Variants in CFAP299 observed in about 807,000 individuals in gnomAD.
CFAP299 encodes cilia and flagella associated protein 299.
In CFAP299, 21 loss-of-function variants were observed where a neutral mutation model predicts 27.0. The observed-to-expected ratio is 0.78, with a 90% CI of 0.55 to 1.12. The LOEUF is 1.12. CFAP299 is among the 50% of genes most tolerant of loss of function. The probability of loss-of-function intolerance (pLI) is 0.00; values close to 1 mark genes in which losing one functional copy is unlikely to be tolerated. For synonymous variants in CFAP299, 104 were observed against 98.1 expected, an observed-to-expected ratio of 1.06 and a Z score of -0.36; for missense variants, 310 against 276.6, an observed-to-expected ratio of 1.12 and a Z score of -0.86.
rs577741047 is a variant in CFAP299 at position 80,579,196 on chromosome 4, A to G, written c.243-3897A>G. On this transcript the variant is annotated intron_variant, in intron 2 of 5. Transcript: ENST00000358105. ...TCTCCATAATAGTGGCCTCCAACTT[A>G]TGGCCAAGATGGCAGTTGGAGTTTC... Among the ~76,000 whole-genome samples, 4 of 152,288 alleles carry G rather than the reference A, an allele frequency of 2.6e-5. No homozygotes were observed. The South Asian group carries it at 8.3e-4, about 32-fold the overall frequency.
chr4:80,715,587 A>G (rs7656931), intron 3 of CFAP299, among the ~76,000 whole-genome samples: 3,430 of 152,244 alleles, frequency 0.023, 56 homozygotes, highest in Non-Finnish European at 0.035. Flanking sequence ...AAAGAAATAT[A>G]TTCAATTTAC....
chr4:80,456,330 A>G (rs760182637), intron 2 of CFAP299, among the ~76,000 whole-genome samples: 9 of 152,118 alleles, frequency 5.9e-5, no homozygotes, highest in Non-Finnish European at 1.0e-4. Flanking sequence ...GATATCTGAT[A>G]TAAAGGGATC....
rs374840707 is a variant in CFAP299 at position 80,836,412 on chromosome 4, A to G, written c.334-33581A>G. On this transcript the variant is annotated intron_variant, in intron 3 of 5. Transcript: ENST00000358105. ...TCTCAGCATAGCTGAATTCCTTTCT[A>G]CAGGCTTCTGGAAGGAATCATTTTT... 6.6e-5 allele frequency among the ~76,000 whole-genome samples: 10 copies of G among 152,326 alleles called. No individual in the cohort carries two copies. In the South Asian group the frequency reaches 1.9e-3, roughly 28 times the overall value.
intron 3 of CFAP299, among the ~76,000 whole-genome samples, chr4:80,674,837 A>G (rs565457559): frequency 1.3e-5 from 2 of 152,174 alleles, no homozygotes; most frequent in African/African-American, 4.8e-5. Context: ...TTATGCATGC[A>G]TCACGTAGTT....
chr4:80,580,738 C>T (rs767560871), intron 2 of CFAP299, among the ~76,000 whole-genome samples: 1 of 151,944 alleles, frequency 6.6e-6, no homozygotes, highest in Non-Finnish European at 1.5e-5. Context: ...CAAATATTTA[C>T]TAAAAATTCC....
intron 2 of CFAP299, among the ~76,000 whole-genome samples, chr4:80,530,639 A>G (rs1423995174): frequency 1.3e-5 from 2 of 152,248 alleles, no homozygotes; most frequent in East Asian, 3.9e-4. Context: ...GGAGACAAGA[A>G]GGAATCAGTC....
intron 4 of CFAP299, among the ~76,000 whole-genome samples, chr4:80,943,426 A>T (rs566723340): frequency 1.3e-5 from 2 of 152,306 alleles, no homozygotes; most frequent in Admixed American, 1.3e-4. Flanking sequence ...TTAAACAATG[A>T]AACTTTCTAT....
At chr4:80,650,929 G>C (rs1740246217) in intron 3 of CFAP299, among the ~76,000 whole-genome samples, 1 of 151,906 alleles carries the variant, frequency 6.6e-6, no homozygotes, top group Admixed American at 6.6e-5. Flanking sequence ...CTCGGGTGAT[G>C]AGTGCACCAA....
intron 4 of CFAP299, among the ~76,000 whole-genome samples, chr4:80,895,067 G>T (rs2110190193): frequency 6.6e-6 from 1 of 151,914 alleles, no homozygotes; most frequent in East Asian, 1.9e-4. Flanking sequence ...AGTTATGCAG[G>T]ATGAATAAAT....
At chr4:80,874,287 G>GA (rs1471033278) in intron 4 of CFAP299, among the ~76,000 whole-genome samples, 2 of 152,110 alleles carry the variant, frequency 1.3e-5, no homozygotes, top group Non-Finnish European at 2.9e-5. Flanking sequence ...TACTTTGAGC[G>GA]AAAACCTACT....
intron 2 of CFAP299, among the ~76,000 whole-genome samples, chr4:80,450,180 G>C (rs2110095746): frequency 6.6e-6 from 1 of 152,166 alleles, no homozygotes; most frequent in Non-Finnish European, 1.5e-5. Context: ...AACAAAACAA[G>C]ATACCTCATA....
intron 1 of CFAP299, among the ~76,000 whole-genome samples, 198 bp downstream of exon 1, chr4:80,336,077 G>A (rs1722125935): frequency 6.6e-6 from 1 of 152,232 alleles, no homozygotes; most frequent in South Asian, 2.1e-4. Flanking sequence ...GGTCCGGACA[G>A]AACTTGGGCC....
chr4:80,933,291 TCTC>T (rs1009581552), intron 4 of CFAP299, among the ~76,000 whole-genome samples: 5 of 152,018 alleles, frequency 3.3e-5, no homozygotes, highest in Non-Finnish European at 5.9e-5. Flanking sequence ...TTGACCAACA[TCTC>T]CTCACTTCAT....
chr4:80,838,329 T>C (rs749977834), intron 3 of CFAP299, among the ~76,000 whole-genome samples: 2 of 152,234 alleles, frequency 1.3e-5, no homozygotes, highest in Non-Finnish European at 2.9e-5. Flanking sequence ...AGTCATGTAA[T>C]CTTTGCCCAT....
intron 3 of CFAP299, among the ~76,000 whole-genome samples, chr4:80,803,726 A>T (rs886067102): frequency 6.7e-6 from 1 of 149,100 alleles, no homozygotes; most frequent in Admixed American, 6.7e-5. Flanking sequence ...TTTTAATATA[A>T]TGTATAATAT....
chr4:80,692,883 G>A, intron 3 of CFAP299, among the ~76,000 whole-genome samples: 1 of 151,964 alleles, frequency 6.6e-6, no homozygotes, highest in Non-Finnish European at 1.5e-5. Context: ...AAAAGTGGGT[G>A]AAGGACATGA....
At chr4:80,562,199 C>T (rs1283907645) in intron 2 of CFAP299, among the ~76,000 whole-genome samples, 5 of 151,926 alleles carry the variant, frequency 3.3e-5, no homozygotes, top group Non-Finnish European at 7.4e-5. Flanking sequence ...GAAAAAATCA[C>T]CTTCACTAAA....
chr4:80,331,296 C>T (rs1721932244), upstream of CFAP299, among the ~76,000 whole-genome samples: 1 of 152,120 alleles, frequency 6.6e-6, no homozygotes, highest in Admixed American at 6.5e-5. Context: ...TCTTGTAAGC[C>T]ATGTCAAAAA....
intron 3 of CFAP299, among the ~76,000 whole-genome samples, chr4:80,814,287 A>G (rs979590802): frequency 6.6e-6 from 1 of 152,080 alleles, no homozygotes; most frequent in African/African-American, 2.4e-5. Context: ...GTTACTCAGA[A>G]ACCCCACAAA....
Sources: allele counts gnomAD v4.1 joint callset (sites outside exome capture counted in the v4.1 genomes callset), GRCh38; gene constraint gnomAD v4.1.1; transcripts MANE v1.5; gene names NCBI Gene and HGNC (gene_info 2026-07-23, HGNC 2026-07-21).